Variants in OTOGL observed in about 807,000 individuals in gnomAD.
The protein encoded by OTOGL is otogelin-like protein.
In OTOGL, 285 loss-of-function variants were observed where a neutral mutation model predicts 318.5. The ratio of observed to expected loss-of-function variants is 0.89; its 90% CI spans 0.81 to 0.99. OTOGL has a LOEUF of 0.99. Ranked by LOEUF, OTOGL falls within the 50% of genes least tolerant of loss-of-function variation. The pLI is 0.00. For synonymous variants in OTOGL, 987 were observed against 936.5 expected, an observed-to-expected ratio of 1.05 and a Z score of -0.99; for missense variants, 2,899 against 2,845.6, an observed-to-expected ratio of 1.02 and a Z score of -0.43.
chr12:80,183,636 A>T (rs1388141198), intron 1 of OTOGL, among the ~76,000 whole-genome samples: 1 of 152,204 alleles, frequency 6.6e-6, no homozygotes, highest in Non-Finnish European at 1.5e-5. Flanking sequence ...TCACCAACAC[A>T]TTGGTAGTTG....
At chr12:80,175,242 A>C (rs1874454579) in intron 1 of OTOGL, among the ~76,000 whole-genome samples, 1 of 152,222 alleles carries the variant, frequency 6.6e-6, no homozygotes, top group South Asian at 2.1e-4. Context: ...TATAAAAATT[A>C]AGGCTTTTAA....
chr12:80,176,117 T>A (rs1318565980), intron 1 of OTOGL, among the ~76,000 whole-genome samples: 1 of 152,190 alleles, frequency 6.6e-6, no homozygotes, highest in Non-Finnish European at 1.5e-5. Context: ...CTAGTATTCA[T>A]CTTCTAATAG....
At chr12:80,261,531 C>T (rs941487313) in intron 18 of OTOGL, among the ~76,000 whole-genome samples, 6 of 152,152 alleles carry the variant, frequency 3.9e-5, no homozygotes, top group Admixed American at 6.6e-5. Context: ...TGAAAAAAAT[C>T]ATGTGAAATG....
intron 44 of OTOGL, among the ~76,000 whole-genome samples, chr12:80,349,195 A>C (rs1197103102): frequency 6.6e-6 from 1 of 152,164 alleles, no homozygotes; most frequent in Non-Finnish European, 1.5e-5. Flanking sequence ...AGAGGAGATA[A>C]GTTGAGGCCA....
In OTOGL at chr12:80,257,873, C is replaced by G; in HGVS notation, c.1760C>G (p.Thr587Ser). 1 of 1,593,074 alleles carries G rather than the reference C, an allele frequency of 6.3e-7. No individual in the cohort carries two copies. The highest frequency in any genetic ancestry group is 8.5e-7 in the Non-Finnish European group (1 of 1,176,792). ...TLSSLFILLK[T>S]TFGLKILFAI... ...TCATCCTTATTTATACTTCTAAAAACCACATTTGGTTTAAAGATTCTGTTT... is the reference window on the plus strand; with the variant it reads ...TCATCCTTATTTATACTTCTAAAAAGCACATTTGGTTTAAAGATTCTGTTT... The change falls in exon 18 of 59, where the codon ACC (threonine) becomes AGC (serine). Residue 587 changes from threonine (T) to serine (S), a missense_variant. This residue lies in a region of OTOGL where 2,607 missense variants were observed against 2,524.9 expected (regional missense o/e 1.03). Transcript: ENST00000547103.
Position 80,116,756 on chromosome 12 carries a change from G to T in OTOGL, c.-20+17151G>T, listed in dbSNP as rs530533021. Among the ~76,000 whole-genome samples, 3 of 152,218 alleles carry T rather than the reference G, an allele frequency of 2.0e-5. No individual in the cohort carries two copies. The East Asian group carries it at 5.8e-4, about 29-fold the overall frequency. The stretch of plus-strand genomic sequence containing the variant: ...TTCTGAGTGAATCTTTTACCACCTG[G>T]TATCAAATGCAACTGATTACTCACT... On this transcript the variant is annotated intron_variant, in intron 1 of 58. Transcript: ENST00000547103.
chr12:80,285,394 G>GT (rs1230366377), intron 26 of OTOGL, among the ~76,000 whole-genome samples: 5 of 152,222 alleles, frequency 3.3e-5, no homozygotes, highest in East Asian at 1.9e-4. Context: ...ATTTAAAGTA[G>GT]TTTTTTCTAA....
intron 19 of OTOGL, among the ~76,000 whole-genome samples, chr12:80,262,836 C>G (rs1278691138): frequency 6.6e-6 from 1 of 152,042 alleles, no homozygotes; most frequent in Admixed American, 6.6e-5. Flanking sequence ...AATTAATGTA[C>G]ATGCTTAAAT....
At chr12:80,330,470 A>T (rs781071830) in intron 37 of OTOGL, among the ~76,000 whole-genome samples, 61 of 152,206 alleles carry the variant, frequency 4.0e-4, no homozygotes, top group Non-Finnish European at 7.5e-4. Flanking sequence ...CATTCAATTT[A>T]TAAGGGGAAT....
At chr12:80,170,445 T>A (rs1874129886) in intron 1 of OTOGL, among the ~76,000 whole-genome samples, 1 of 152,148 alleles carries the variant, frequency 6.6e-6, no homozygotes, top group African/African-American at 2.4e-5. Flanking sequence ...CCTTTTTCTT[T>A]TTTTTTGAGA....
At chr12:80,165,431 T>C (rs1278470448) in intron 1 of OTOGL, among the ~76,000 whole-genome samples, 2 of 152,210 alleles carry the variant, frequency 1.3e-5, no homozygotes, top group Admixed American at 1.3e-4. Flanking sequence ...TACAGAGATA[T>C]ATGACAAAGG....
chr12:80,371,923 A>T (rs1183050235), intron 56 of OTOGL, 96 bp from the exon 57 acceptor site: 2 of 684,614 alleles, frequency 2.9e-6, no homozygotes, highest in Admixed American at 3.9e-5. Flanking sequence ...GTGGTATTTG[A>T]TAAAAGTTTT....
intron 1 of OTOGL, among the ~76,000 whole-genome samples, chr12:80,115,419 C>T (rs577300315): frequency 1.3e-4 from 20 of 152,230 alleles, no homozygotes; most frequent in East Asian, 5.8e-4. Flanking sequence ...GGGTATCACC[C>T]GCTGAGGCTG....
Position 80,271,692 on chromosome 12 carries a change from C to T in OTOGL, c.2563C>T (p.Pro855Ser). 1 of 1,613,092 alleles carries T rather than the reference C, an allele frequency of 6.2e-7. No individual in the cohort carries two copies. Among genetic ancestry groups the T allele is most frequent in the Non-Finnish European group, 8.5e-7 (1 of 1,179,446 alleles). ...EGKEYFDCRF[P>S]DPELPAGGVN... ...AAAAGAGTATTTCGACTGCAGGTTT[C>T]CTGACCCTGAATTACCAGCTGGTGG... The change falls in exon 24 of 59, where the codon CCT (proline) becomes TCT (serine). Residue 855 changes from proline (P) to serine (S), a missense_variant. Pro to Ser is a moderately conservative substitution (Grantham distance 74, BLOSUM62 -1). Coordinates refer to ENST00000547103, the MANE Select transcript of OTOGL (RefSeq NM_001378609.3).
intron 7 of OTOGL, among the ~76,000 whole-genome samples, chr12:80,224,839 T>C (rs1419989331): frequency 6.6e-6 from 1 of 152,024 alleles, no homozygotes; most frequent in Non-Finnish European, 1.5e-5. Flanking sequence ...GAAGCACAAC[T>C]GGGTGACTAT....
chr12:80,114,464 G>A (rs888533918), intron 1 of OTOGL, among the ~76,000 whole-genome samples: 1 of 152,160 alleles, frequency 6.6e-6, no homozygotes, highest in Non-Finnish European at 1.5e-5. Context: ...GGCTTGTAGG[G>A]TTTCTGCCAA....
chr12:80,335,820 C>A, intron 38 of OTOGL, 143 bp from the exon 39 acceptor site: 1 of 635,210 alleles, frequency 1.6e-6, no homozygotes, highest in Non-Finnish European at 2.4e-6. Context: ...TAAAAAGTTG[C>A]AGCATAATTT....
intron 30 of OTOGL, 118 bp downstream of exon 30, chr12:80,310,845 C>G: frequency 1.4e-6 from 1 of 722,798 alleles, no homozygotes; most frequent in Non-Finnish European, 2.2e-6. Flanking sequence ...TACCACCTAA[C>G]TATTGTTAGG....
At chr12:80,253,366 T>A in intron 13 of OTOGL, 100 bp from the exon 14 acceptor site, 1 of 1,034,532 alleles carries the variant, frequency 9.7e-7, no homozygotes, top group Non-Finnish European at 1.5e-6. Flanking sequence ...TCCAGCATCA[T>A]GCGTAGGTAT....
Sources: gnomAD v4.1 joint callset for allele counts (sites outside exome capture counted in the v4.1 genomes callset) on GRCh38, gnomAD v4.1.1 for gene constraint, gnomAD v4.1.1 regional missense constraint, MANE v1.5 for transcripts, NCBI Gene and HGNC (gene_info 2026-07-23, HGNC 2026-07-21) for gene names.